The following ZNF383 variants were observed in gnomAD, a reference collection of about 807,000 sequenced individuals.
ZNF383 encodes zinc finger protein 383.
In ZNF383, 32 loss-of-function variants were observed where a neutral mutation model predicts 44.2. That is an observed-to-expected ratio of 0.72 (90% CI 0.55 to 0.97). The LOEUF (loss-of-function observed/expected upper bound fraction) is 0.97, where lower values mean the gene tolerates loss of function less well. ZNF383 is among the 50% of genes least tolerant of loss of function. The pLI is 0.00. For synonymous variants in ZNF383, 155 were observed against 186.2 expected, an observed-to-expected ratio of 0.83 and a Z score of 1.36; for missense variants, 487 against 562.5, an observed-to-expected ratio of 0.87 and a Z score of 1.36.
intron 1 of ZNF383, among the ~76,000 whole-genome samples, chr19:37,223,522 A>G (rs2145478143): frequency 6.6e-6 from 1 of 152,060 alleles, no homozygotes; most frequent in East Asian, 1.9e-4. Context: ...ATATAGCAAG[A>G]CCCCATTTCT....
chr19:37,222,007 C>A (rs1444699119), intron 1 of ZNF383, among the ~76,000 whole-genome samples: 1 of 150,774 alleles, frequency 6.6e-6, no homozygotes, highest in Non-Finnish European at 1.5e-5. Context: ...GATCTCAAAT[C>A]TGATAAGGAA....
Position 37,243,570 on chromosome 19 carries a change from C to G in ZNF383, c.1334C>G (p.Thr445Ser), listed in dbSNP as rs1287754798. ...CTTACTCGACATCTGAGAATTCACACTGGTGAAAAGCCCTATAACTGTAAG... is the reference window on the plus strand; with the variant it reads ...CTTACTCGACATCTGAGAATTCACAGTGGTGAAAAGCCCTATAACTGTAAG... Reference protein sequence around the residue: ...SNLTRHLRIHTGEKPYNCKEC... With the variant: ...SNLTRHLRIHSGEKPYNCKEC... Residue 445 changes from threonine to serine, a missense_variant, in exon 6 of 6, where the codon ACT becomes AGT. Physicochemically the swap from Thr to Ser is moderately conservative, Grantham distance 58 (BLOSUM62 1). Coordinates refer to ENST00000684119, the MANE Select transcript of ZNF383 (RefSeq NM_001387601.1). The G allele has an allele frequency of 6.2e-7, 1 of 1,614,066 alleles. No homozygotes were observed. The highest frequency in any genetic ancestry group is 8.5e-7 in the Non-Finnish European group (1 of 1,179,974).
chr19:37,233,918 G>A (rs1488725942), intron 3 of ZNF383, among the ~76,000 whole-genome samples: 1 of 151,810 alleles, frequency 6.6e-6, no homozygotes, highest in East Asian at 1.9e-4. Flanking sequence ...AGGCTGGAGT[G>A]CAATGGCGCA....
At chr19:37,240,105 G>T (rs1974008464) in intron 5 of ZNF383, among the ~76,000 whole-genome samples, 1 of 149,314 alleles carries the variant, frequency 6.7e-6, no homozygotes, top group Non-Finnish European at 1.5e-5. Flanking sequence ...GTTGCAGTGA[G>T]CCGAGATCAC....
chr19:37,223,372 G>A (rs914120635), intron 1 of ZNF383, among the ~76,000 whole-genome samples: 5 of 152,148 alleles, frequency 3.3e-5, no homozygotes, highest in Admixed American at 6.6e-5. Context: ...ACCACAGTAG[G>A]TTAAGCTAGA....
chr19:37,218,751 G>A (rs1277424952), intron 1 of ZNF383, among the ~76,000 whole-genome samples: 2 of 152,154 alleles, frequency 1.3e-5, no homozygotes, highest in Non-Finnish European at 2.9e-5. Context: ...ATGTGAGAGT[G>A]TGACCATGTA....
In ZNF383 at chr19:37,225,850, T is replaced by C. The variant is rs539174871; in HGVS notation, c.-46+911T>C. 8.2e-4 allele frequency among the ~76,000 whole-genome samples: 124 copies of C among 150,954 alleles called. 1 individual carries two copies. Among genetic ancestry groups the C allele is most frequent in the Non-Finnish European group, 1.6e-3 (106 of 67,778 alleles). ...TTGTCACCAGGCTGGAGTGCAATGG[T>C]GCGATCTCAGGTCACTGCAACCTCC... On this transcript the variant is annotated intron_variant, in intron 2 of 5. Transcript: ENST00000684119.
Position 37,248,545 on chromosome 19 carries a change from A to G in ZNF383, c.*4881A>G, listed in dbSNP as rs1012238246. On this transcript the variant is annotated 3_prime_UTR_variant, in exon 6 of 6. Coordinates refer to ENST00000684119, the MANE Select transcript of ZNF383 (RefSeq NM_001387601.1). The stretch of plus-strand genomic sequence containing the variant: ...TCTTAGTGTCTGAACTCAGGAACCA[A>G]ATAGATGTGGATAGCATGGGATTTT... The G allele has an allele frequency of 3.3e-5, 5 of 152,230 alleles. No homozygotes were observed. Among genetic ancestry groups the G allele is most frequent in the Non-Finnish European group, 7.3e-5 (5 of 68,036 alleles). The allele number at this position is 152,230 out of a possible 1,614,324, so 9.4% of individuals were successfully genotyped here.
chr19:37,232,326 G>A (rs1022723174), intron 3 of ZNF383, among the ~76,000 whole-genome samples: 3 of 151,834 alleles, frequency 2.0e-5, no homozygotes, highest in African/African-American at 7.3e-5. Context: ...ACCCACCTTC[G>A]CAAAGTGCTG....
intron 3 of ZNF383, among the ~76,000 whole-genome samples, chr19:37,232,457 A>G (rs1973544953): frequency 6.6e-6 from 1 of 152,224 alleles, no homozygotes; most frequent in Non-Finnish European, 1.5e-5. Context: ...AATAAAATAT[A>G]TCTTGGATAC....
intron 5 of ZNF383, among the ~76,000 whole-genome samples, chr19:37,238,653 A>G (rs896000869): frequency 1.3e-5 from 2 of 152,176 alleles, no homozygotes; most frequent in African/African-American, 4.8e-5. Context: ...CGGGAATTGT[A>G]GAAGAGGAGA....
Position 37,243,283 on chromosome 19 carries a change from T to C in ZNF383, c.1047T>C (p.Ser349=). The C allele has an allele frequency of 6.2e-7, 1 of 1,614,032 alleles. No individual in the cohort carries two copies. Among genetic ancestry groups the C allele is most frequent in the Non-Finnish European group, 8.5e-7 (1 of 1,179,956 alleles). Reference sequence around the variant, plus strand: ...AGGAATGTGGCAAAGCCTTTAGTAGTGGCTCAGCACTTACTAATCATCAGA... The same window carrying C: ...AGGAATGTGGCAAAGCCTTTAGTAGCGGCTCAGCACTTACTAATCATCAGA... The part of the protein sequence containing the change: ...ECKECGKAFS[S]GSALTNHQRI... The change falls in exon 6 of 6, where the codon AGT becomes AGC. Residue 349 remains serine (S), a synonymous_variant. Transcript: ENST00000684119.
At chr19:37,236,414 G>T (rs1279404148) in intron 5 of ZNF383, among the ~76,000 whole-genome samples, 1 of 150,488 alleles carries the variant, frequency 6.6e-6, no homozygotes, top group African/African-American at 2.4e-5. Flanking sequence ...TTTTTAAAGG[G>T]TCTGGCTCTG....
chr19:37,236,913 C>T (rs1973829636), intron 5 of ZNF383, among the ~76,000 whole-genome samples: 1 of 151,554 alleles, frequency 6.6e-6, no homozygotes, highest in Non-Finnish European at 1.5e-5. Flanking sequence ...TCTACTACCA[C>T]TCCCCAAAAT....
Position 37,242,795 on chromosome 19 carries a change from C to A in ZNF383, c.559C>A (p.Gln187Lys), listed in dbSNP as rs1974184555. ...CTTTAGTCAGAACTCACAATTTATT[C>A]AACATCAGAGAATTCATATTGGTGA... ...KAFSQNSQFIQHQRIHIGEKS... is the reference protein window; with the variant it reads ...KAFSQNSQFIKHQRIHIGEKS... The change falls in exon 6 of 6, where the codon CAA becomes AAA. Residue 187 changes from glutamine (Q) to lysine (K), a missense_variant. By Grantham distance (53) the Gln-to-Lys change is moderately conservative. Coordinates refer to ENST00000684119, the MANE Select transcript of ZNF383 (RefSeq NM_001387601.1). The A allele has an allele frequency of 6.2e-7, 1 of 1,614,026 alleles. No individual in the cohort carries two copies. The highest frequency in any genetic ancestry group is 2.2e-5 in the East Asian group (1 of 44,872).
chr19:37,226,481 C>T (rs1229699262), intron 2 of ZNF383: 1 of 152,210 alleles, frequency 6.6e-6, no homozygotes, highest in Non-Finnish European at 1.5e-5. Context: ...TAAAAGGCCT[C>T]TGTGCCCTGA....
At chr19:37,226,965 T>C (rs1336208319) in intron 2 of ZNF383, among the ~76,000 whole-genome samples, 5 of 151,576 alleles carry the variant, frequency 3.3e-5, no homozygotes, top group Non-Finnish European at 7.4e-5. Flanking sequence ...TGCGTCACCA[T>C]GCCCAGCTAA....
At chr19:37,238,000 C>T (rs1298965023) in intron 5 of ZNF383, among the ~76,000 whole-genome samples, 2 of 151,880 alleles carry the variant, frequency 1.3e-5, no homozygotes, top group Non-Finnish European at 2.9e-5. Context: ...GTAGCTCGGC[C>T]CACAGGCACA....
At position 37,244,923 on chromosome 19, in the gene ZNF383, A is replaced by G. The variant is rs1974304599; in HGVS notation, c.*1259A>G. 1 of 152,142 alleles carries G rather than the reference A, an allele frequency of 6.6e-6. No individual in the cohort carries two copies. Among genetic ancestry groups the G allele is most frequent in the South Asian group, 2.1e-4 (1 of 4,836 alleles). 9.4% of individuals were successfully genotyped at this position (152,142 alleles called of 1,614,324 possible). On this transcript the variant is annotated 3_prime_UTR_variant, in exon 6 of 6. Transcript: ENST00000684119. ...GCCATTTCAGTAAATATAGATTTTTATTATTTTCATGACATATTTAATGAC... is the reference window on the plus strand; with the variant it reads ...GCCATTTCAGTAAATATAGATTTTTGTTATTTTCATGACATATTTAATGAC...
Sources: allele counts gnomAD v4.1 joint callset (sites outside exome capture counted in the v4.1 genomes callset), GRCh38; gene constraint gnomAD v4.1.1; transcripts MANE v1.5; gene names NCBI Gene and HGNC (gene_info 2026-07-23, HGNC 2026-07-21).